CHRM3: variants seen among roughly 807,000 people sequenced by gnomAD.
CHRM3 encodes cholinergic receptor muscarinic 3.
In CHRM3, 11 loss-of-function variants were observed where a neutral mutation model predicts 41.8. That is an observed-to-expected ratio of 0.26 (90% CI 0.17 to 0.44). The LOEUF (loss-of-function observed/expected upper bound fraction) is 0.44, where lower values mean the gene tolerates loss of function less well. Ranked by LOEUF, CHRM3 falls within the 20% of genes least tolerant of loss-of-function variation. CHRM3 has a pLI of 1.00. For missense variants in CHRM3, 571 were observed against 745.4 expected (o/e 0.77, Z 2.72); for synonymous variants, 297 against 301.4 (o/e 0.99, Z 0.15).
At chr1:239,597,005 G>C (rs1207732405) in intron 3 of CHRM3, among the ~76,000 whole-genome samples, 1 of 152,028 alleles carries the variant, frequency 6.6e-6, no homozygotes, top group African/African-American at 2.4e-5. Context: ...AACTCTTTTT[G>C]TGATTTTCTG....
At chr1:239,617,590 C>G (rs1400228173) in intron 3 of CHRM3, among the ~76,000 whole-genome samples, 1 of 152,072 alleles carries the variant, frequency 6.6e-6, no homozygotes, top group East Asian at 1.9e-4. Flanking sequence ...AAAAATTAGC[C>G]AGGCATAGTG....
At chr1:239,634,488 A>T (rs1323173065) in intron 4 of CHRM3, among the ~76,000 whole-genome samples, 3 of 152,072 alleles carry the variant, frequency 2.0e-5, no homozygotes, top group Non-Finnish European at 4.4e-5. Context: ...AAATCAGTTT[A>T]TATTGGAATT....
intron 1 of CHRM3, among the ~76,000 whole-genome samples, chr1:239,391,572 G>C (rs558128626): frequency 1.3e-5 from 2 of 152,202 alleles, no homozygotes; most frequent in South Asian, 2.1e-4. Context: ...CCCTCCTGAA[G>C]GCCAAGGACT....
At chr1:239,657,472 G>C (rs191435653) in intron 4 of CHRM3, among the ~76,000 whole-genome samples, 2 of 152,280 alleles carry the variant, frequency 1.3e-5, no homozygotes, top group African/African-American at 4.8e-5. Context: ...CCCCTGCAGA[G>C]CCTGGCATTA....
intron 2 of CHRM3, among the ~76,000 whole-genome samples, chr1:239,514,668 G>A (rs987485088): frequency 6.6e-6 from 1 of 152,052 alleles, no homozygotes; most frequent in African/African-American, 2.4e-5. Context: ...AAGAGTAGTA[G>A]GAGGGTAAAT....
At chr1:239,660,462 C>T (rs1221810656) in intron 4 of CHRM3, among the ~76,000 whole-genome samples, 1 of 152,146 alleles carries the variant, frequency 6.6e-6, no homozygotes, top group African/African-American at 2.4e-5. Context: ...CAAGCTTCCA[C>T]AGACCGTATA....
At chr1:239,532,158 G>GC (rs1488521721) in intron 2 of CHRM3, among the ~76,000 whole-genome samples, 3 of 145,210 alleles carry the variant, frequency 2.1e-5, no homozygotes, top group African/African-American at 5.0e-5. Context: ...GACTACAGGC[G>GC]CTGCCACCAC....
At chr1:239,729,435 C>T (rs192560023) in intron 5 of CHRM3, among the ~76,000 whole-genome samples, 1 of 152,028 alleles carries the variant, frequency 6.6e-6, no homozygotes, top group Non-Finnish European at 1.5e-5. Flanking sequence ...TAGATGAACT[C>T]TGGTTATTCA....
intron 2 of CHRM3, among the ~76,000 whole-genome samples, chr1:239,544,968 T>C (rs1021817360): frequency 1.3e-5 from 2 of 152,256 alleles, no homozygotes; most frequent in African/African-American, 4.8e-5. Context: ...CTTACTCCCC[T>C]GAGTCTTTAA....
chr1:239,847,891 G>A (rs1030501003), intron 6 of CHRM3, among the ~76,000 whole-genome samples: 4 of 151,244 alleles, frequency 2.6e-5, no homozygotes, highest in East Asian at 1.9e-4. Flanking sequence ...CTCCAGCCTC[G>A]GCAACAGAGC....
chr1:239,807,843 CACAT>C (rs1167797100), intron 5 of CHRM3, among the ~76,000 whole-genome samples: 157 of 149,680 alleles, frequency 1.0e-3, no homozygotes, highest in East Asian at 0.01. Flanking sequence ...CACACACACA[CACAT>C]ACACACACAC....
At chr1:239,458,995 G>A (rs2147866937) in intron 1 of CHRM3, among the ~76,000 whole-genome samples, 1 of 152,222 alleles carries the variant, frequency 6.6e-6, no homozygotes, top group South Asian at 2.1e-4. Flanking sequence ...CAAAGCTGTA[G>A]GGGTCTTTTT....
rs192356653 is a variant in CHRM3 at position 239,744,012 on chromosome 1, G to A, written c.-147+65724G>A. ...TTTGGTAGAGACAGGGTCTTGCTAT[G>A]TTGCTCAGACTGGTCTCAAACTCTT... On this transcript the variant is annotated intron_variant, in intron 5 of 6. Transcript: ENST00000676153. Among the ~76,000 whole-genome samples the A allele has an allele frequency of 3.5e-3, 492 of 141,398 alleles. 4 individuals are homozygous for A. The highest frequency in any genetic ancestry group is 3.2e-3 in the Non-Finnish European group (208 of 65,626). The allele number at this position is 141,398 out of a possible 152,430, so 92.8% of individuals were successfully genotyped here. A position where few individuals can be genotyped will look rare whatever the true frequency, so the allele number is the denominator to read the frequency against.
Position 239,536,610 on chromosome 1 carries a change from A to G in CHRM3, c.-421-9031A>G, listed in dbSNP as rs868292868. Among the ~76,000 whole-genome samples, 125 of 152,346 alleles carry G rather than the reference A, an allele frequency of 8.2e-4. 1 individual carries two copies. The highest frequency in any genetic ancestry group is 2.9e-3 in the African/African-American group (122 of 41,580). On this transcript the variant is annotated intron_variant, in intron 2 of 6. Transcript: ENST00000676153. Reference sequence around the variant, plus strand: ...CTGAGTCACAAATCATTTCCCTTTAATACAAAACTAGGAAAATATCCAAAG... The same window carrying G: ...CTGAGTCACAAATCATTTCCCTTTAGTACAAAACTAGGAAAATATCCAAAG...
intron 3 of CHRM3, among the ~76,000 whole-genome samples, chr1:239,553,016 G>A (rs914835591): frequency 6.6e-6 from 1 of 151,970 alleles, no homozygotes; most frequent in Non-Finnish European, 1.5e-5. Context: ...GGAGTTCCTA[G>A]CCACGTTGTC....
intron 6 of CHRM3, among the ~76,000 whole-genome samples, chr1:239,855,512 A>G (rs1675033583): frequency 6.6e-6 from 1 of 152,136 alleles, no homozygotes; most frequent in South Asian, 2.1e-4. Flanking sequence ...ATACATAAAT[A>G]TGTCATTTGA....
chr1:239,391,108 A>G (rs1658996090), intron 1 of CHRM3, among the ~76,000 whole-genome samples: 1 of 152,248 alleles, frequency 6.6e-6, no homozygotes, highest in Non-Finnish European at 1.5e-5. Flanking sequence ...ACTGCTCTCC[A>G]GCCTGTACGA....
At chr1:239,726,874 G>A (rs12057747) in intron 5 of CHRM3, among the ~76,000 whole-genome samples, 21 of 151,942 alleles carry the variant, frequency 1.4e-4, no homozygotes, top group African/African-American at 5.1e-4. Context: ...AGTACTTATT[G>A]AATACTCTTT....
intron 5 of CHRM3, among the ~76,000 whole-genome samples, chr1:239,713,779 C>G (rs1343370286): frequency 1.3e-5 from 2 of 152,198 alleles, no homozygotes; most frequent in Non-Finnish European, 2.9e-5. Context: ...TATGATTACT[C>G]TCTTTCACTA....
Sources: allele counts gnomAD v4.1 joint callset (sites outside exome capture counted in the v4.1 genomes callset), GRCh38; gene constraint gnomAD v4.1.1; transcripts MANE v1.5; gene names NCBI Gene and HGNC (gene_info 2026-07-23, HGNC 2026-07-21).